GNE: variants seen among roughly 807,000 people sequenced by gnomAD.
GNE encodes bifunctional UDP-N-acetylglucosamine 2-epimerase/N-acetylmannosamine kinase.
In GNE, 41 loss-of-function variants were observed where a neutral mutation model predicts 61.8. The observed-to-expected ratio is 0.66, with a 90% CI of 0.52 to 0.86. The LOEUF is 0.86. Ranked by LOEUF, GNE falls within the 40% of genes least tolerant of loss-of-function variation. The probability of loss-of-function intolerance (pLI) is 0.00; values close to 1 mark genes in which losing one functional copy is unlikely to be tolerated. For synonymous variants in GNE, 264 were observed against 326.4 expected, an observed-to-expected ratio of 0.81 and a Z score of 2.06; for missense variants, 608 against 909.1, an observed-to-expected ratio of 0.67 and a Z score of 4.26.
At chr9:36,272,147 C>T (rs950285964) in intron 1 of GNE, among the ~76,000 whole-genome samples, 1 of 152,212 alleles carries the variant, frequency 6.6e-6, no homozygotes, top group Non-Finnish European at 1.5e-5. Context: ...GGAAATTTGG[C>T]GGTCTTATGA....
In GNE at chr9:36,267,552, C is replaced by T. The variant is rs148433336; in HGVS notation, c.51+9342G>A. Among the ~76,000 whole-genome samples, 378 of 151,876 alleles carry T rather than the reference C, an allele frequency of 2.5e-3. 1 individual carries two copies. Among genetic ancestry groups the T allele is most frequent in the African/African-American group, 8.9e-3 (368 of 41,464 alleles). On this transcript the variant is annotated intron_variant, in intron 1 of 11. Transcript: ENST00000396594. ...TCTCTACTAAAATACGAAAATTAGTCAGGCGTGGTGGCAGGTGCCTGTAAT... is the reference window on the plus strand; with the variant it reads ...TCTCTACTAAAATACGAAAATTAGTTAGGCGTGGTGGCAGGTGCCTGTAAT...
At chr9:36,222,147 G>A (rs950104323) in intron 9 of GNE, among the ~76,000 whole-genome samples, 9 of 151,530 alleles carry the variant, frequency 5.9e-5, no homozygotes, top group Non-Finnish European at 7.4e-5. Flanking sequence ...GGCCGGGCGC[G>A]GTGGCTCACG....
chr9:36,237,626 T>C lies in GNE; in HGVS notation c.617-642A>G, dbSNP rs551988226. ...TAGGGCCTATATTATCCCATAAAAC[T>C]GAAAGTGAGCTCCACTTACTTTTTT... On this transcript the variant is annotated intron_variant, in intron 3 of 11. Coordinates refer to ENST00000642385, the MANE Select transcript of GNE (RefSeq NM_005476.7). Among the ~76,000 whole-genome samples the C allele has an allele frequency of 5.3e-5, 8 of 151,450 alleles. No homozygotes were observed. The East Asian group carries it at 1.5e-3, about 29-fold the overall frequency.
chr9:36,217,788 A>G (rs1828398346), intron 11 of GNE, among the ~76,000 whole-genome samples, 188 bp from the exon 12 acceptor site: 1 of 152,212 alleles, frequency 6.6e-6, no homozygotes, highest in Admixed American at 6.5e-5. Context: ...GACAGCCTCA[A>G]GTGGAAAAAG....
chr9:36,243,031 G>A lies in GNE; in HGVS notation c.616+3000C>T, dbSNP rs551430725. On this transcript the variant is annotated intron_variant, in intron 3 of 11. Transcript: ENST00000642385. ...CTAGGGTCACAGGCATGAGCCACTG[G>A]CACCTGGCCAAAACTAGTGTTTTGT... 3.5e-4 allele frequency among the ~76,000 whole-genome samples: 52 copies of A among 148,798 alleles called. 2 individuals are homozygous for A. In the South Asian group the frequency reaches 5.0e-3, roughly 14 times the overall value.
chr9:36,269,765 G>T (rs901569240), intron 1 of GNE, among the ~76,000 whole-genome samples: 1 of 149,610 alleles, frequency 6.7e-6, no homozygotes, highest in Non-Finnish European at 1.5e-5. Flanking sequence ...AGGTTCAAGC[G>T]ATTCTCCTGC....
At chr9:36,256,426 G>C (rs535781156) in intron 1 of GNE, among the ~76,000 whole-genome samples, 3 of 150,886 alleles carry the variant, frequency 2.0e-5, no homozygotes, top group African/African-American at 7.3e-5. Context: ...TGTATTTTTA[G>C]TAGAGATGAG....
At chr9:36,242,277 G>A (rs1479037009) in intron 3 of GNE, among the ~76,000 whole-genome samples, 1 of 134,824 alleles carries the variant, frequency 7.4e-6, no homozygotes, top group Non-Finnish European at 1.6e-5. Flanking sequence ...TTTTTCACTG[G>A]TTTAAAGACC....
At chr9:36,262,811 T>C (rs955187357), upstream of GNE, among the ~76,000 whole-genome samples, 5 of 152,184 alleles carry the variant, frequency 3.3e-5, no homozygotes, top group East Asian at 1.9e-4. Flanking sequence ...AACAGACTTG[T>C]CTTATTTTAT....
rs11793383 is a variant in GNE, at chr9:36,222,193, C to T, written c.1633+584G>A. Among the ~76,000 whole-genome samples, 384 of 151,910 alleles carry T rather than the reference C, an allele frequency of 2.5e-3. 2 individuals carry two copies. The highest frequency in any genetic ancestry group is 3.7e-3 in the Non-Finnish European group (252 of 67,906). On this transcript the variant is annotated intron_variant, in intron 9 of 11. Transcript: ENST00000642385. ...CAGCACTTTGGGAGGCCGAGGCGGG[C>T]GGATCACGAGGTCAGGAGATCGAGA... is the stretch of plus-strand genomic sequence containing the variant.
At position 36,217,275 on chromosome 9, in the gene GNE, T is replaced by C. The variant is rs1201820257; in HGVS notation, c.*90A>G. 5.7e-6 allele frequency: 5 copies of C among 884,764 alleles called. No homozygotes were observed. The highest frequency in any genetic ancestry group is 9.2e-6 in the Non-Finnish European group (5 of 543,674). The allele number at this position is 884,764 out of a possible 1,614,324, so 54.8% of individuals were successfully genotyped here. On this transcript the variant is annotated 3_prime_UTR_variant, in exon 12 of 12. Transcript: ENST00000642385. ...AAGTCACCTGCAGTTCAATACCAGA[T>C]TTGATTGTTAAGAAACGGTCATCCT...
intron 7 of GNE, among the ~76,000 whole-genome samples, chr9:36,224,857 GA>G (rs758447603): frequency 3.3e-5 from 5 of 152,150 alleles, no homozygotes; most frequent in Non-Finnish European, 5.9e-5. Flanking sequence ...GCGACAGAGT[GA>G]AACCCTGTCT....
In GNE at chr9:36,249,330, T is replaced by G; in HGVS notation, c.26A>C (p.Lys9Thr). 1 of 1,614,048 alleles carries G rather than the reference T, an allele frequency of 6.2e-7. No homozygotes were observed. Among genetic ancestry groups the G allele is most frequent in the Admixed American group, 1.7e-5 (1 of 60,016 alleles). Residue 9 changes from lysine to threonine, a missense_variant, in exon 2 of 12, where the codon AAG (lysine) becomes ACG (threonine). Physicochemically the swap from Lys to Thr is moderately conservative, Grantham distance 78. Transcript: ENST00000642385. ...ACAAGTAGCAACACAAACCCGCAGC[T>G]TTCGGTTATTTCCATTCTTCTCCAT... MEKNGNNR[K>T]LRVCVATCNR...
At chr9:36,224,635 G>A (rs181014384) in intron 7 of GNE, among the ~76,000 whole-genome samples, 54 of 152,202 alleles carry the variant, frequency 3.5e-4, no homozygotes, top group Non-Finnish European at 6.6e-4. Flanking sequence ...TTGAGAGGCC[G>A]AGGCAGGTAG....
In GNE at chr9:36,218,283, C is replaced by T. The variant is rs2132997684; in HGVS notation, c.1833G>A (p.Val611=). ...CATCTTTTGGCACTGACATCCCTTC[C>T]ACCAAGAGCAGGTCCTCTGAACAGA... ...KKLHDEDLLL[V]EGMSVPKDEA... Residue 611 remains valine, a synonymous_variant, in exon 11 of 12, where the codon GTG becomes GTA. Transcript: ENST00000642385. The surrounding 1 kb of genome is among the most constrained non-coding windows in gnomAD (Gnocchi z 4.1). 6.2e-7 allele frequency: 1 copy of T among 1,613,634 alleles called. No individual in the cohort carries two copies. Among genetic ancestry groups the T allele is most frequent in the Non-Finnish European group, 8.5e-7 (1 of 1,179,538 alleles).
chr9:36,273,400 A>G (rs1831119926), intron 1 of GNE, among the ~76,000 whole-genome samples: 1 of 151,712 alleles, frequency 6.6e-6, no homozygotes, highest in East Asian at 2.0e-4. Context: ...TATTTTTAGT[A>G]GAGACGGGGT....
chr9:36,276,824 T>C, intron 1 of GNE: 1 of 1,159,582 alleles, frequency 8.6e-7, no homozygotes, highest in Non-Finnish European at 1.3e-6. Flanking sequence ...TTTGTAATTT[T>C]CCTTTTTCCC....
At chr9:36,221,834 T>C (rs1301166242) in intron 9 of GNE, among the ~76,000 whole-genome samples, 1 of 152,034 alleles carries the variant, frequency 6.6e-6, no homozygotes, top group Admixed American at 6.6e-5. Flanking sequence ...CAAAACCAGC[T>C]GAATCTTGAT....
intron 8 of GNE, 62 bp downstream of exon 8, chr9:36,223,311 C>T: frequency 6.9e-7 from 1 of 1,457,582 alleles, no homozygotes; most frequent in Non-Finnish European, 9.6e-7. Context: ...GCATGCATCA[C>T]AAGTTAGTAA....
Sources: gnomAD v4.1 joint callset for allele counts (sites outside exome capture counted in the v4.1 genomes callset) on GRCh38, gnomAD v4.1.1 for gene constraint, Gnocchi (gnomAD v3.1) non-coding constraint, MANE v1.5 for transcripts, NCBI Gene and HGNC (gene_info 2026-07-23, HGNC 2026-07-21) for gene names.